RGS7BP: variants seen among roughly 807,000 people sequenced by gnomAD.
RGS7BP encodes the protein regulator of G protein signaling 7-binding protein.
RGS7BP carries 9 observed loss-of-function variants against 31.3 expected under a neutral mutation model. That is an observed-to-expected ratio of 0.29 (90% CI 0.17 to 0.50). The LOEUF is 0.50. Ranked by LOEUF, RGS7BP falls within the 20% of genes least tolerant of loss-of-function variation. The pLI is 0.98. For synonymous variants in RGS7BP, 115 were observed against 120.1 expected, an observed-to-expected ratio of 0.96 and a Z score of 0.28; for missense variants, 274 against 322.0, an observed-to-expected ratio of 0.85 and a Z score of 1.14.
At chr5:64,557,064 T>C (rs1489309350) in intron 2 of RGS7BP, among the ~76,000 whole-genome samples, 1 of 152,182 alleles carries the variant, frequency 6.6e-6, no homozygotes, top group East Asian at 1.9e-4. Flanking sequence ...AGCAGTCAAC[T>C]TGGAAAATAA....
chr5:64,594,438 A>G (rs1181010446), intron 3 of RGS7BP, among the ~76,000 whole-genome samples: 1 of 152,216 alleles, frequency 6.6e-6, no homozygotes, highest in Non-Finnish European at 1.5e-5. Context: ...CCAATACTCT[A>G]TCAAAGACAG....
intron 2 of RGS7BP, 71 bp downstream of exon 2, chr5:64,507,948 C>G (rs1380695987): frequency 4.2e-5 from 54 of 1,298,924 alleles, no homozygotes; most frequent in Non-Finnish European, 5.7e-5. Flanking sequence ...TTATGGTAGT[C>G]AAGTCCTCAG....
At chr5:64,516,681 G>C (rs970365316) in intron 2 of RGS7BP, among the ~76,000 whole-genome samples, 1 of 152,186 alleles carries the variant, frequency 6.6e-6, no homozygotes, top group Non-Finnish European at 1.5e-5. Context: ...AACCTCTGGG[G>C]AGGTAAGGAT....
chr5:64,511,683 G>A (rs750625924), intron 2 of RGS7BP, among the ~76,000 whole-genome samples: 1 of 152,142 alleles, frequency 6.6e-6, no homozygotes, highest in Non-Finnish European at 1.5e-5. Context: ...CTTTATATTT[G>A]AGGAGTCTAA....
chr5:64,533,335 C>G (rs977458869), intron 2 of RGS7BP, among the ~76,000 whole-genome samples: 4 of 152,178 alleles, frequency 2.6e-5, no homozygotes, highest in African/African-American at 9.7e-5. Context: ...TTTGAAGACT[C>G]TAATGCTAGA....
intron 5 of RGS7BP, among the ~76,000 whole-genome samples, chr5:64,604,485 A>G (rs992889518): frequency 6.6e-6 from 1 of 152,108 alleles, no homozygotes; most frequent in Non-Finnish European, 1.5e-5. Context: ...TCAGTACCCA[A>G]TGTAGAGCCT....
chr5:64,552,818 C>G (rs1001724975), intron 2 of RGS7BP, among the ~76,000 whole-genome samples: 6 of 152,110 alleles, frequency 3.9e-5, no homozygotes, highest in Non-Finnish European at 7.4e-5. Flanking sequence ...CTCAAGTAAC[C>G]CTCCTGCCTC....
At chr5:64,507,958 G>A (rs1748740385) in intron 2 of RGS7BP, 81 bp downstream of exon 2, 2 of 1,166,926 alleles carry the variant, frequency 1.7e-6, no homozygotes, top group Non-Finnish European at 2.5e-6. Context: ...CAAGTCCTCA[G>A]ACATGATCTC....
chr5:64,533,197 A>T (rs1207654346), intron 2 of RGS7BP, among the ~76,000 whole-genome samples: 1 of 152,138 alleles, frequency 6.6e-6, no homozygotes, highest in African/African-American at 2.4e-5. Context: ...TTCCACCTGC[A>T]TTCAGAAATT....
At chr5:64,535,004 A>C (rs1258131843) in intron 2 of RGS7BP, among the ~76,000 whole-genome samples, 1 of 152,106 alleles carries the variant, frequency 6.6e-6, no homozygotes, top group Non-Finnish European at 1.5e-5. Flanking sequence ...CAAGAGAAAA[A>C]CTGTCTCAGA....
Position 64,525,301 on chromosome 5 carries a change from G to A in RGS7BP, c.332+17424G>A, listed in dbSNP as rs191308642. Among the ~76,000 whole-genome samples, 106 of 152,256 alleles carry A rather than the reference G, an allele frequency of 7.0e-4. 1 individual carries two copies. The highest frequency in any genetic ancestry group is 2.4e-3 in the African/African-American group (98 of 41,546). ...TCTCCACCCTAGCTCAGCAATCTAA[G>A]GCAAGGAATAACAGAAAGAACAGCT... is the stretch of plus-strand genomic sequence containing the variant. On this transcript the variant is annotated intron_variant, in intron 2 of 5. Transcript: ENST00000334025.
Position 64,606,534 on chromosome 5 carries a change from G to A in RGS7BP, c.683-2627G>A, listed in dbSNP as rs114403449. Reference sequence around the variant, plus strand: ...GTTTTAGGGAAGCATTGAATTCCAGGTGAATTTGAGTTTCAGAAAGTGTAT... The same window carrying A: ...GTTTTAGGGAAGCATTGAATTCCAGATGAATTTGAGTTTCAGAAAGTGTAT... On this transcript the variant is annotated intron_variant, in intron 5 of 5. Transcript: ENST00000334025. Among the ~76,000 whole-genome samples the A allele has an allele frequency of 2.7e-3, 416 of 152,060 alleles. 2 individuals are homozygous for A. The highest frequency in any genetic ancestry group is 9.7e-3 in the African/African-American group (403 of 41,492).
chr5:64,535,332 A>G (rs970583259), intron 2 of RGS7BP, among the ~76,000 whole-genome samples: 1 of 152,218 alleles, frequency 6.6e-6, no homozygotes, highest in Non-Finnish European at 1.5e-5. Flanking sequence ...AAGTGTATAC[A>G]CTAGATGCCT....
intron 2 of RGS7BP, among the ~76,000 whole-genome samples, chr5:64,516,289 A>T (rs1390026071): frequency 6.6e-6 from 1 of 152,164 alleles, no homozygotes; most frequent in Non-Finnish European, 1.5e-5. Context: ...GTCACTGAGA[A>T]TATCTTGAAG....
intron 2 of RGS7BP, among the ~76,000 whole-genome samples, chr5:64,535,167 A>G (rs1580406241): frequency 6.6e-6 from 1 of 152,326 alleles, no homozygotes; most frequent in African/African-American, 2.4e-5. Context: ...AGGGCTGAAG[A>G]GAAAGTGAGA....
intron 2 of RGS7BP, among the ~76,000 whole-genome samples, chr5:64,571,286 A>G (rs1327755066): frequency 2.0e-5 from 3 of 152,136 alleles, no homozygotes; most frequent in Admixed American, 6.6e-5. Flanking sequence ...GTATTATTCT[A>G]TTGTAGAAGT....
At chr5:64,535,446 C>T (rs1749480614) in intron 2 of RGS7BP, among the ~76,000 whole-genome samples, 1 of 152,168 alleles carries the variant, frequency 6.6e-6, no homozygotes, top group African/African-American at 2.4e-5. Context: ...TCTGCTCTCA[C>T]CCCATGCAGG....
At chr5:64,601,343 C>T (rs1053875695) in intron 5 of RGS7BP, 3 of 489,448 alleles carry the variant, frequency 6.1e-6, no homozygotes, top group Non-Finnish European at 8.0e-6. Context: ...AACTCCAAAA[C>T]TGTTCCATGT....
At chr5:64,594,471 T>G (rs947934961) in intron 3 of RGS7BP, among the ~76,000 whole-genome samples, 23 of 152,190 alleles carry the variant, frequency 1.5e-4, no homozygotes, top group African/African-American at 5.5e-4. Context: ...TATCTTGATC[T>G]TTAGGTTGCA....
Sources: allele counts gnomAD v4.1 joint callset (sites outside exome capture counted in the v4.1 genomes callset), GRCh38; gene constraint gnomAD v4.1.1; transcripts MANE v1.5; gene names NCBI Gene and HGNC (gene_info 2026-07-23, HGNC 2026-07-21).